Variants in RAB31 observed in about 807,000 individuals in gnomAD.
RAB31 encodes RAB31, member RAS oncogene family.
In RAB31, 21 loss-of-function variants were observed where a neutral mutation model predicts 25.6. The observed-to-expected ratio is 0.82, with a 90% CI of 0.58 to 1.18. RAB31 has a LOEUF of 1.18. RAB31 is among the 50% of genes most tolerant of loss of function. The pLI is 0.00. For synonymous variants in RAB31, 87 were observed against 84.0 expected (o/e 1.04, Z -0.20); for missense variants, 196 against 250.1 (o/e 0.78, Z 1.46).
intron 1 of RAB31, among the ~76,000 whole-genome samples, chr18:9,741,259 C>T (rs2068177395): frequency 6.6e-6 from 1 of 151,328 alleles, no homozygotes. Flanking sequence ...ACCTATAATC[C>T]CAGCTACTAG....
chr18:9,780,089 T>C (rs753473706), intron 2 of RAB31, among the ~76,000 whole-genome samples: 1 of 151,308 alleles, frequency 6.6e-6, no homozygotes, highest in South Asian at 2.1e-4. Context: ...GGTAGGAGGA[T>C]CACCTGAGAC....
intron 5 of RAB31, among the ~76,000 whole-genome samples, chr18:9,841,411 C>T (rs1568193890): frequency 1.3e-5 from 2 of 151,896 alleles, no homozygotes; most frequent in East Asian, 2.0e-4. Context: ...TGGTGGCAGG[C>T]GCCTGTAGTC....
chr18:9,808,479 G>A (rs927565883), intron 3 of RAB31, among the ~76,000 whole-genome samples: 12 of 152,216 alleles, frequency 7.9e-5, no homozygotes, highest in African/African-American at 2.7e-4. Context: ...TGGAGAGAGA[G>A]GGTCTATGTA....
At chr18:9,739,803 C>A (rs1259758797) in intron 1 of RAB31, among the ~76,000 whole-genome samples, 1 of 152,140 alleles carries the variant, frequency 6.6e-6, no homozygotes, top group East Asian at 1.9e-4. Flanking sequence ...ACATGGCCAC[C>A]CCTGACTGCA....
At chr18:9,806,028 G>A (rs1255081988) in intron 3 of RAB31, among the ~76,000 whole-genome samples, 3 of 148,748 alleles carry the variant, frequency 2.0e-5, no homozygotes, top group Non-Finnish European at 4.5e-5. Context: ...TACAAAAAAA[G>A]TAGCCAGGTG....
chr18:9,799,420 A>AT (rs2068502974), intron 3 of RAB31, among the ~76,000 whole-genome samples: 1 of 152,046 alleles, frequency 6.6e-6, no homozygotes, highest in African/African-American at 2.4e-5. Context: ...TTGGAAAATT[A>AT]TTTTTTCTTC....
At chr18:9,765,238 G>A (rs561073868) in intron 1 of RAB31, among the ~76,000 whole-genome samples, 22 of 152,302 alleles carry the variant, frequency 1.4e-4, no homozygotes, top group African/African-American at 5.3e-4. Context: ...ACAGGTGCGA[G>A]CCACCACACC....
At chr18:9,854,240 G>C (rs1184644178) in intron 6 of RAB31, among the ~76,000 whole-genome samples, 2 of 151,864 alleles carry the variant, frequency 1.3e-5, no homozygotes, top group Admixed American at 6.6e-5. Flanking sequence ...TTGGTTTTCT[G>C]TTCCTGTGTT....
intron 6 of RAB31, among the ~76,000 whole-genome samples, chr18:9,855,307 T>G (rs1485400490): frequency 6.6e-6 from 1 of 152,138 alleles, no homozygotes; most frequent in Non-Finnish European, 1.5e-5. Context: ...ATCCAAACCC[T>G]ATTAAAATAA....
intron 1 of RAB31, among the ~76,000 whole-genome samples, chr18:9,767,114 C>T (rs2145486725): frequency 6.6e-6 from 1 of 152,324 alleles, no homozygotes; most frequent in African/African-American, 2.4e-5. Flanking sequence ...GAAGGAGATG[C>T]TGGAATTATC....
chr18:9,822,692 G>A (rs2068629908), intron 5 of RAB31, among the ~76,000 whole-genome samples: 1 of 152,100 alleles, frequency 6.6e-6, no homozygotes, highest in South Asian at 2.1e-4. Context: ...GGTGAGGAAG[G>A]ATATAAGGCG....
At chr18:9,711,701 C>T (rs936395058) in intron 1 of RAB31, among the ~76,000 whole-genome samples, 7 of 152,190 alleles carry the variant, frequency 4.6e-5, no homozygotes, top group Admixed American at 4.6e-4. Context: ...TGTTTTTTAG[C>T]CATGAGACAC....
intron 3 of RAB31, among the ~76,000 whole-genome samples, chr18:9,809,731 C>T (rs1163426419): frequency 1.3e-5 from 2 of 152,218 alleles, no homozygotes; most frequent in Non-Finnish European, 2.9e-5. Context: ...AGATTGCTTA[C>T]AGTTTTTCAG....
chr18:9,790,411 T>C lies in RAB31; in HGVS notation c.120-1743T>C, dbSNP rs9966998. On this transcript the variant is annotated intron_variant, in intron 2 of 6. Transcript: ENST00000578921. ...AGCTGATTTAAAAAAAAAAATTTTT[T>C]TTTTTGTAAAGAAGGAGTCTTGCTC... 7.1e-3 allele frequency among the ~76,000 whole-genome samples: 1,080 copies of C among 152,128 alleles called. 15 individuals are homozygous for C. Among genetic ancestry groups the C allele is most frequent in the African/African-American group, 0.024 (1,012 of 41,492 alleles).
At chr18:9,782,478 A>G (rs1007353294) in intron 2 of RAB31, among the ~76,000 whole-genome samples, 7 of 152,238 alleles carry the variant, frequency 4.6e-5, no homozygotes, top group African/African-American at 1.7e-4. Flanking sequence ...ACTCACACTG[A>G]AAAACCTTGG....
intron 6 of RAB31, among the ~76,000 whole-genome samples, chr18:9,850,426 G>T (rs1444979154): frequency 1.3e-5 from 2 of 152,136 alleles, no homozygotes; most frequent in Non-Finnish European, 2.9e-5. Flanking sequence ...TGGCCAGCTG[G>T]TTTGTGGATT....
Position 9,773,607 on chromosome 18 carries a change from C to T in RAB31, c.40-1671C>T, listed in dbSNP as rs558222779. On this transcript the variant is annotated intron_variant, in intron 1 of 6. Transcript: ENST00000578921. The stretch of plus-strand genomic sequence containing the variant: ...TTTCTTCTACTTTTGGGGCAACTTC[C>T]TGACTTTATTTTCTAACTCCTCCAT... Among the ~76,000 whole-genome samples the T allele has an allele frequency of 7.9e-5, 12 of 152,210 alleles. No individual in the cohort carries two copies. In the South Asian group the frequency reaches 2.5e-3, roughly 32 times the overall value.
intron 1 of RAB31, among the ~76,000 whole-genome samples, chr18:9,727,938 T>A (rs1210291696): frequency 6.6e-6 from 1 of 151,982 alleles, no homozygotes; most frequent in Non-Finnish European, 1.5e-5. Context: ...AAGAATACTT[T>A]GAGATCTACT....
At chr18:9,858,845 G>A (rs1229162243) in intron 6 of RAB31, among the ~76,000 whole-genome samples, 1 of 152,214 alleles carries the variant, frequency 6.6e-6, no homozygotes, top group Non-Finnish European at 1.5e-5. Flanking sequence ...ACGGTACCAT[G>A]AAAGCCGCTC....
Sources: gnomAD v4.1 joint callset for allele counts (sites outside exome capture counted in the v4.1 genomes callset) on GRCh38, gnomAD v4.1.1 for gene constraint, MANE v1.5 for transcripts, NCBI Gene and HGNC (gene_info 2026-07-23, HGNC 2026-07-21) for gene names.